Variants in CATSPERE observed in about 807,000 individuals in gnomAD.
The protein encoded by CATSPERE is cation channel sperm-associated auxiliary subunit epsilon.
A neutral mutation model predicts 114.1 loss-of-function variants in CATSPERE; 93 were observed. The ratio of observed to expected loss-of-function variants is 0.81; its 90% CI spans 0.69 to 0.97. The LOEUF (loss-of-function observed/expected upper bound fraction) is 0.97, where lower values mean the gene tolerates loss of function less well. Ranked by LOEUF, CATSPERE falls within the 50% of genes least tolerant of loss-of-function variation. The pLI, the probability that CATSPERE is intolerant of heterozygous loss-of-function variation, is 0.00. For missense variants in CATSPERE, 1,058 were observed against 1,131.6 expected (o/e 0.93, Z 0.93); for synonymous variants, 341 against 384.1 (o/e 0.89, Z 1.31).
chr1:244,539,368 G>A lies in CATSPERE; in HGVS notation c.537-12954G>A, dbSNP rs1456288084. The stretch of plus-strand genomic sequence containing the variant: ...AGCTTTTTGATGTGCTGCTGGAATC[G>A]GTTTGCCAGTATTTTATTGAGGATT... On this transcript the variant is annotated intron_variant, in intron 8 of 21. Transcript: ENST00000366534. 3.6e-4 allele frequency among the ~76,000 whole-genome samples: 45 copies of A among 124,934 alleles called. No homozygotes were observed. The East Asian group carries it at 7.0e-3, about 19-fold the overall frequency. 82.0% of individuals were successfully genotyped at this position (124,934 alleles called of 152,430 possible).
At chr1:244,563,827 T>C (rs988046092) in intron 10 of CATSPERE, among the ~76,000 whole-genome samples, 4 of 152,224 alleles carry the variant, frequency 2.6e-5, no homozygotes, top group African/African-American at 9.6e-5. Flanking sequence ...CATGAATCTT[T>C]GCCCATGCCT....
At position 244,572,648 on chromosome 1, in the gene CATSPERE, C is replaced by T. The variant is rs1343026660; in HGVS notation, c.1826C>T (p.Thr609Ile). ...AAGGGAGAGGCTCTGACAGTTTGGA[C>T]TCAGATCGTCTATCCAGAAAACACT... Reference protein sequence around the residue: ...LDKGEALTVWTQIVYPENTGL... With the variant: ...LDKGEALTVWIQIVYPENTGL... Residue 609 changes from threonine (T) to isoleucine (I), a missense_variant, in exon 11 of 22, where the codon ACT becomes ATT. Coordinates refer to ENST00000366534, the MANE Select transcript of CATSPERE (RefSeq NM_001130957.2). 1 of 1,614,024 alleles carries T rather than the reference C, an allele frequency of 6.2e-7. No individual in the cohort carries two copies.
chr1:244,606,988 T>C (rs1276398768), intron 18 of CATSPERE, among the ~76,000 whole-genome samples: 1 of 152,190 alleles, frequency 6.6e-6, no homozygotes, highest in Non-Finnish European at 1.5e-5. Context: ...TAAGTTCTCC[T>C]GGTCTGCTTC....
chr1:244,634,250 A>G (rs1423430378), intron 20 of CATSPERE, among the ~76,000 whole-genome samples: 1 of 152,138 alleles, frequency 6.6e-6, no homozygotes, highest in East Asian at 1.9e-4. Flanking sequence ...GGTAGAGTCT[A>G]CTTTGGTTTG....
At chr1:244,535,540 C>G (rs1396912286) in intron 8 of CATSPERE, among the ~76,000 whole-genome samples, 1 of 152,184 alleles carries the variant, frequency 6.6e-6, no homozygotes, top group South Asian at 2.1e-4. Context: ...TGGCCACCAC[C>G]ACCACAGGCC....
chr1:244,570,068 T>G (rs1664208372), intron 10 of CATSPERE, among the ~76,000 whole-genome samples: 2 of 152,218 alleles, frequency 1.3e-5, no homozygotes. Flanking sequence ...AATAGATGTT[T>G]GCAATATTTA....
chr1:244,498,987 A>G lies in CATSPERE; in HGVS notation c.352-15A>G. The stretch of plus-strand genomic sequence containing the variant: ...TACAAAATGTAAAGAAATGCAAACA[A>G]ATTTTATTTTCTAGCTTATCACTGT... On this transcript the variant is annotated splice_polypyrimidine_tract_variant and intron_variant, in intron 6 of 21. Transcript: ENST00000366534. 6.3e-7 allele frequency: 1 copy of G among 1,598,014 alleles called. No homozygotes were observed. The highest frequency in any genetic ancestry group is 8.6e-7 in the Non-Finnish European group (1 of 1,166,784).
Position 244,461,497 on chromosome 1 carries a change from A to G in CATSPERE, c.65+3A>G. 1 of 1,316,134 alleles carries G rather than the reference A, an allele frequency of 7.6e-7. No homozygotes were observed. Among genetic ancestry groups the G allele is most frequent in the Non-Finnish European group, 9.8e-7 (1 of 1,023,990 alleles). The allele number at this position is 1,316,134 out of a possible 1,614,324, so 81.5% of individuals were successfully genotyped here. A position where few individuals can be genotyped will look rare whatever the true frequency, so the allele number is the denominator to read the frequency against. On this transcript the variant is annotated splice_donor_region_variant and intron_variant, in intron 1 of 21. Coordinates refer to ENST00000366534, the MANE Select transcript of CATSPERE (RefSeq NM_001130957.2). Reference sequence around the variant, plus strand: ...TGCTATGGCTCCGCCCTTTGGAGGTAGAGAGACGCCAGTCGCAGGCGAGCG... The same window carrying G: ...TGCTATGGCTCCGCCCTTTGGAGGTGGAGAGACGCCAGTCGCAGGCGAGCG...
At chr1:244,621,315 A>T (rs1381238295) in intron 20 of CATSPERE, among the ~76,000 whole-genome samples, 17 of 26,292 alleles carry the variant, frequency 6.5e-4, no homozygotes, top group South Asian at 1.6e-3. Context: ...AAATATATAA[A>T]ATATATATAT....
chr1:244,622,932 A>G (rs180774643), intron 20 of CATSPERE, among the ~76,000 whole-genome samples: 1 of 152,304 alleles, frequency 6.6e-6, no homozygotes, highest in African/African-American at 2.4e-5. Flanking sequence ...AGCAGCAGGT[A>G]TATACCAAAA....
intron 1 of CATSPERE, among the ~76,000 whole-genome samples, 193 bp downstream of exon 1, chr1:244,461,687 G>A (rs1666830058): frequency 6.6e-6 from 1 of 152,158 alleles, no homozygotes; most frequent in African/African-American, 2.4e-5. Context: ...ATGAGCGAGA[G>A]GGGACGCAGT....
At chr1:244,530,349 G>A (rs1422942837) in intron 8 of CATSPERE, among the ~76,000 whole-genome samples, 6 of 152,100 alleles carry the variant, frequency 3.9e-5, no homozygotes, top group Non-Finnish European at 8.8e-5. Flanking sequence ...TTTGTCTCTG[G>A]GTTCTCTGTT....
chr1:244,518,479 A>T lies in CATSPERE; in HGVS notation c.430-113A>T, dbSNP rs1012151787. 8.9e-6 allele frequency: 6 copies of T among 672,634 alleles called. No homozygotes were observed. In the African/African-American group the frequency reaches 1.1e-4, roughly 13 times the overall value. 41.7% of individuals were successfully genotyped at this position (672,634 alleles called of 1,614,324 possible). ...TGAATCTTGAGCACATGGTAAATTTACAAATGTAAGCAATGTCTTAACGAA... is the reference window on the plus strand; with the variant it reads ...TGAATCTTGAGCACATGGTAAATTTTCAAATGTAAGCAATGTCTTAACGAA... On this transcript the variant is annotated intron_variant, in intron 7 of 21. Transcript: ENST00000366534.
At chr1:244,528,861 ACTCT>A (rs1049202220) in intron 8 of CATSPERE, among the ~76,000 whole-genome samples, 2 of 147,490 alleles carry the variant, frequency 1.4e-5, no homozygotes, top group Non-Finnish European at 3.0e-5. Context: ...CCATCATTCT[ACTCT>A]CTATGTCCAA....
rs1342387567 is a variant in CATSPERE, at chr1:244,548,727, T to C, written c.537-3595T>C. ...AATAGTGAAACAGTCTTTTGAAAAC[T>C]CAATTACAGTGACCCCAGGTGGCAA... On this transcript the variant is annotated intron_variant, in intron 8 of 21. Transcript: ENST00000366534. Among the ~76,000 whole-genome samples, 3 of 152,222 alleles carry C rather than the reference T, an allele frequency of 2.0e-5. No homozygotes were observed. In the East Asian group the frequency reaches 5.8e-4, roughly 29 times the overall value.
chr1:244,518,435 A>C (rs1466160849), intron 7 of CATSPERE, among the ~76,000 whole-genome samples, 157 bp from the exon 8 acceptor site: 1 of 152,232 alleles, frequency 6.6e-6, no homozygotes, highest in Non-Finnish European at 1.5e-5. Context: ...AGGAGGCTAT[A>C]AGGTAGAAAG....
intron 6 of CATSPERE, among the ~76,000 whole-genome samples, chr1:244,496,836 G>A (rs1189073280): frequency 6.6e-6 from 1 of 152,176 alleles, no homozygotes; most frequent in Non-Finnish European, 1.5e-5. Context: ...ACACAGTGAA[G>A]CCTTCATATT....
chr1:244,480,915 C>T (rs1297898656), intron 5 of CATSPERE, among the ~76,000 whole-genome samples: 1 of 152,102 alleles, frequency 6.6e-6, no homozygotes, highest in Non-Finnish European at 1.5e-5. Flanking sequence ...AATCCCAGTC[C>T]CCAGCTTTTC....
Position 244,578,158 on chromosome 1 carries a change from G to A in CATSPERE, c.1951-3638G>A, listed in dbSNP as rs538845322. 5.3e-5 allele frequency among the ~76,000 whole-genome samples: 8 copies of A among 152,218 alleles called. No homozygotes were observed. The East Asian group carries it at 1.2e-3, about 22-fold the overall frequency. On this transcript the variant is annotated intron_variant, in intron 11 of 21. Transcript: ENST00000366534. ...CTTTTACTGGTTTATTTGTTGGTTT[G>A]TTGGTTTGTTTTGAGATGGAGTTTC...
Sources: gnomAD v4.1 joint callset for allele counts (sites outside exome capture counted in the v4.1 genomes callset) on GRCh38, gnomAD v4.1.1 for gene constraint, MANE v1.5 for transcripts, NCBI Gene and HGNC (gene_info 2026-07-23, HGNC 2026-07-21) for gene names.